Variants in LRP1B observed in about 807,000 individuals in gnomAD.
The protein encoded by LRP1B is LDL receptor related protein 1B.
Under a neutral mutation model 556.6 loss-of-function variants are expected in LRP1B, and 217 were observed. The observed-to-expected ratio is 0.39, with a 90% CI of 0.35 to 0.44. The LOEUF is 0.44. LRP1B is among the 20% of genes least tolerant of loss of function. The probability of loss-of-function intolerance (pLI) is 1.00; values close to 1 mark genes in which losing one functional copy is unlikely to be tolerated. For missense variants in LRP1B, 5,053 were observed against 5,620.8 expected, an observed-to-expected ratio of 0.90 and a Z score of 3.23; for synonymous variants, 2,047 against 1,865.8, an observed-to-expected ratio of 1.10 and a Z score of -2.50.
chr2:141,583,351 TACAA>T (rs1214347425), intron 2 of LRP1B, among the ~76,000 whole-genome samples: 1 of 152,128 alleles, frequency 6.6e-6, no homozygotes, highest in Non-Finnish European at 1.5e-5. Context: ...ATCCAAAGGT[TACAA>T]ACAGAGATAC....
At position 140,593,891 on chromosome 2, in the gene LRP1B, A is replaced by G; in HGVS notation, c.7194+4740T>C. 2.0e-5 allele frequency among the ~76,000 whole-genome samples: 3 copies of G among 152,298 alleles called. No individual in the cohort carries two copies. In the Middle Eastern group the frequency reaches 0.01, roughly 518 times the overall value. ...ATAAGCAATGGGTTATATAATATTT[A>G]TATGATAAATATGAGTTGTAAGTGT... is the stretch of plus-strand genomic sequence containing the variant. On this transcript the variant is annotated intron_variant, in intron 43 of 90. Coordinates refer to ENST00000389484, the MANE Select transcript of LRP1B (RefSeq NM_018557.3).
intron 11 of LRP1B, among the ~76,000 whole-genome samples, chr2:141,025,318 C>T (rs1698187386): frequency 6.6e-6 from 1 of 151,994 alleles, no homozygotes; most frequent in Non-Finnish European, 1.5e-5. Flanking sequence ...AGCTATTGTT[C>T]TTATGGGAAT....
At chr2:142,022,391 ATTAT>A (rs1290323414) in intron 1 of LRP1B, among the ~76,000 whole-genome samples, 1 of 151,730 alleles carries the variant, frequency 6.6e-6, no homozygotes, top group East Asian at 2.0e-4. Flanking sequence ...TATTATTATT[ATTAT>A]TATTTGTTTT....
At chr2:142,095,387 T>C (rs976230687) in intron 1 of LRP1B, among the ~76,000 whole-genome samples, 3 of 151,848 alleles carry the variant, frequency 2.0e-5, no homozygotes, top group Non-Finnish European at 4.4e-5. Flanking sequence ...ACTCCATAGT[T>C]TATAGTTCCC....
intron 37 of LRP1B, among the ~76,000 whole-genome samples, chr2:140,707,988 C>T (rs1405619069): frequency 6.6e-6 from 1 of 152,028 alleles, no homozygotes; most frequent in African/African-American, 2.4e-5. Context: ...TTGCACTGTA[C>T]TCATGCACTC....
chr2:140,446,558 A>G (rs752991278), intron 63 of LRP1B, among the ~76,000 whole-genome samples: 14 of 152,116 alleles, frequency 9.2e-5, no homozygotes, highest in Non-Finnish European at 8.8e-5. Flanking sequence ...TAAACGTTCC[A>G]TAGACTCTTG....
intron 84 of LRP1B, among the ~76,000 whole-genome samples, chr2:140,291,318 A>ATATTTT (rs369391920): frequency 4.6e-5 from 5 of 109,334 alleles, no homozygotes; most frequent in African/African-American, 1.5e-4. Context: ...ATATATATAT[A>ATATTTT]TTTTTATTAT....
chr2:141,109,848 T>A (rs1242747793), intron 7 of LRP1B, among the ~76,000 whole-genome samples: 1 of 152,154 alleles, frequency 6.6e-6, no homozygotes, highest in African/African-American at 2.4e-5. Context: ...TCAGCTTTGA[T>A]AGTGGCTGAG....
chr2:140,935,124 A>G (rs1365085591), intron 20 of LRP1B, among the ~76,000 whole-genome samples: 2 of 152,136 alleles, frequency 1.3e-5, no homozygotes, highest in African/African-American at 4.8e-5. Flanking sequence ...AAGGCATGCA[A>G]AGAAGAGTAT....
intron 41 of LRP1B, among the ~76,000 whole-genome samples, chr2:140,676,332 A>G (rs184108634): frequency 2.0e-4 from 30 of 152,334 alleles, no homozygotes; most frequent in Admixed American, 7.8e-4. Context: ...CCTTCAATCC[A>G]TAGGTTTCAA....
intron 83 of LRP1B, among the ~76,000 whole-genome samples, chr2:140,305,012 T>C (rs1230498585): frequency 1.3e-5 from 2 of 152,180 alleles, no homozygotes; most frequent in African/African-American, 2.4e-5. Flanking sequence ...TCCATTGGTC[T>C]ATATCTCTGT....
rs374071424 is a variant in LRP1B, at chr2:140,536,569, T to C, written c.7642+12A>G. The C allele has an allele frequency of 6.2e-7, 1 of 1,602,892 alleles. No individual in the cohort carries two copies. The highest frequency in any genetic ancestry group is 8.5e-7 in the Non-Finnish European group (1 of 1,176,406). On this transcript the variant is annotated intron_variant, in intron 46 of 90. Transcript: ENST00000389484. ...TTTATCTGAAACGAGCAAACCCATATTGGACACTTACCACAGTAGAGCAGT... is the reference window on the plus strand; with the variant it reads ...TTTATCTGAAACGAGCAAACCCATACTGGACACTTACCACAGTAGAGCAGT...
chr2:140,688,282 C>A (rs1686119522), intron 41 of LRP1B, among the ~76,000 whole-genome samples: 1 of 152,046 alleles, frequency 6.6e-6, no homozygotes, highest in Non-Finnish European at 1.5e-5. Context: ...ACAGAATCAA[C>A]CCAATGTCAT....
intron 3 of LRP1B, among the ~76,000 whole-genome samples, chr2:141,428,850 A>T (rs1456134408): frequency 6.6e-6 from 1 of 152,190 alleles, no homozygotes; most frequent in Non-Finnish European, 1.5e-5. Context: ...CATCTGTATA[A>T]GTCTCTACCC....
At chr2:140,650,592 GC>G (rs1684648574) in intron 41 of LRP1B, among the ~76,000 whole-genome samples, 1 of 151,974 alleles carries the variant, frequency 6.6e-6, no homozygotes, top group Admixed American at 6.6e-5. Context: ...CAGGTGATCT[GC>G]CTGCCTTGGC....
At chr2:140,711,223 TGCTTTACCACTG>T (rs1687020643) in intron 37 of LRP1B, among the ~76,000 whole-genome samples, 1 of 152,090 alleles carries the variant, frequency 6.6e-6, no homozygotes, top group African/African-American at 2.4e-5. Flanking sequence ...ATTTATTTAT[TGCTTTACCACTG>T]GCTGGCAGAT....
intron 3 of LRP1B, among the ~76,000 whole-genome samples, chr2:141,398,322 T>A (rs1371084815): frequency 4.6e-5 from 7 of 152,030 alleles, no homozygotes; most frequent in Admixed American, 3.3e-4. Flanking sequence ...ATGCTTACCA[T>A]GAAAAAAAGA....
At chr2:141,225,927 C>T (rs1683227801) in intron 6 of LRP1B, among the ~76,000 whole-genome samples, 1 of 152,088 alleles carries the variant, frequency 6.6e-6, no homozygotes, top group African/African-American at 2.4e-5. Context: ...CTGTCTCCCA[C>T]TTAGAGGGCC....
intron 32 of LRP1B, among the ~76,000 whole-genome samples, chr2:140,795,562 T>C (rs1158320970): frequency 2.0e-5 from 3 of 152,132 alleles, no homozygotes; most frequent in Non-Finnish European, 4.4e-5. Context: ...CCATATCAGA[T>C]AACGCTGATA....
Sources: allele counts gnomAD v4.1 joint callset (sites outside exome capture counted in the v4.1 genomes callset), GRCh38; gene constraint gnomAD v4.1.1; transcripts MANE v1.5; gene names NCBI Gene and HGNC (gene_info 2026-07-23, HGNC 2026-07-21).